ADGRA3: variants seen among roughly 807,000 people sequenced by gnomAD.
ADGRA3 encodes G-protein coupled receptor 125.
In ADGRA3, 56 loss-of-function variants were observed where a neutral mutation model predicts 119.8. The observed-to-expected ratio is 0.47, with a 90% confidence interval of 0.38 to 0.58. The LOEUF (loss-of-function observed/expected upper bound fraction) is 0.58, where lower values mean the gene tolerates loss of function less well. ADGRA3 is among the 20% of genes least tolerant of loss of function. ADGRA3 has a pLI of 0.00. For missense variants in ADGRA3, 1,516 were observed against 1,649.0 expected, an observed-to-expected ratio of 0.92 and a Z score of 1.40; for synonymous variants, 607 against 623.8, an observed-to-expected ratio of 0.97 and a Z score of 0.40.
At chr4:22,511,926 T>C (rs1438517050) in intron 1 of ADGRA3, among the ~76,000 whole-genome samples, 3 of 118,094 alleles carry the variant, frequency 2.5e-5, no homozygotes, top group Non-Finnish European at 4.9e-5. Flanking sequence ...AGACAGAGTC[T>C]CACTCTGTCA....
At chr4:22,478,263 C>CTA (rs1718124041) in intron 1 of ADGRA3, 3 of 152,038 alleles carry the variant, frequency 2.0e-5, no homozygotes, top group Non-Finnish European at 2.9e-5. Flanking sequence ...GTGAGACTTA[C>CTA]TATACATATT....
At chr4:22,461,863 G>A (rs17598797) in intron 2 of ADGRA3, 55 bp from the exon 3 acceptor site, 110,539 of 1,118,882 alleles carry the variant, frequency 0.099, 5,821 homozygotes, top group South Asian at 0.12. Flanking sequence ...CAAGTATTCA[G>A]GCACAATACA....
At chr4:22,483,462 T>G (rs374915123) in intron 1 of ADGRA3, among the ~76,000 whole-genome samples, 38 of 152,324 alleles carry the variant, frequency 2.5e-4, no homozygotes, top group African/African-American at 8.7e-4. Context: ...TATTCCTGCT[T>G]AAGTCTTATG....
At chr4:22,404,308 A>G (rs1233047901) in intron 14 of ADGRA3, among the ~76,000 whole-genome samples, 1 of 152,198 alleles carries the variant, frequency 6.6e-6, no homozygotes, top group African/African-American at 2.4e-5. Flanking sequence ...GATGACCTCA[A>G]TAGAGTAGGA....
intron 18 of ADGRA3, 65 bp downstream of exon 18, chr4:22,389,023 A>T: frequency 6.3e-7 from 1 of 1,597,116 alleles, no homozygotes; most frequent in Non-Finnish European, 8.6e-7. Flanking sequence ...ATCACCTGTA[A>T]TGCCTAGAAA....
In ADGRA3 at chr4:22,418,725, A is replaced by G. The variant is rs556481784; in HGVS notation, c.1809+2161T>C. On this transcript the variant is annotated intron_variant, in intron 12 of 18. Coordinates refer to ENST00000334304, the MANE Select transcript of ADGRA3 (RefSeq NM_145290.4). ...TCCAGGTAGAATGCCCACAACATTA[A>G]CAACCTGAAATGGCACAGGCATTGA... is the stretch of plus-strand genomic sequence containing the variant. Among the ~76,000 whole-genome samples the G allele has an allele frequency of 2.0e-5, 3 of 152,246 alleles. No homozygotes were observed. The South Asian group carries it at 6.2e-4, about 32-fold the overall frequency.
intron 1 of ADGRA3, among the ~76,000 whole-genome samples, chr4:22,512,348 A>G (rs1719478696): frequency 6.6e-6 from 1 of 152,074 alleles, no homozygotes. Flanking sequence ...TACTGTTCTG[A>G]GACTTAGTCA....
chr4:22,413,448 T>C, intron 13 of ADGRA3, 58 bp from the exon 14 acceptor site: 1 of 1,486,916 alleles, frequency 6.7e-7, no homozygotes, highest in South Asian at 1.1e-5. Context: ...CAATTATAAA[T>C]GTCAACTTCT....
chr4:22,436,372 CTT>C (rs1272058424), intron 9 of ADGRA3, 66 bp downstream of exon 9: 38 of 930,170 alleles, frequency 4.1e-5, no homozygotes, highest in Non-Finnish European at 2.1e-5. Flanking sequence ...AAAAAAAAAA[CTT>C]ATGTATTTGG....
chr4:22,428,106 CATATTA>C (rs1716015193), intron 10 of ADGRA3, among the ~76,000 whole-genome samples: 1 of 152,044 alleles, frequency 6.6e-6, no homozygotes, highest in South Asian at 2.1e-4. Context: ...CTGATGTTAT[CATATTA>C]ATATACAAGA....
chr4:22,508,219 T>C (rs957286734), intron 1 of ADGRA3, among the ~76,000 whole-genome samples: 1 of 152,102 alleles, frequency 6.6e-6, no homozygotes, highest in African/African-American at 2.4e-5. Flanking sequence ...GATGGAAGGA[T>C]CAAAATGCCA....
At chr4:22,405,731 T>C (rs999179428) in intron 14 of ADGRA3, among the ~76,000 whole-genome samples, 2 of 152,128 alleles carry the variant, frequency 1.3e-5, no homozygotes, top group African/African-American at 4.8e-5. Flanking sequence ...GGCATTTTGT[T>C]CTCAACATGT....
intron 1 of ADGRA3, among the ~76,000 whole-genome samples, chr4:22,488,551 C>T (rs1005831729): frequency 2.6e-5 from 4 of 152,066 alleles, no homozygotes; most frequent in Non-Finnish European, 4.4e-5. Flanking sequence ...GTTAACCCAA[C>T]GCAAGCGTGA....
chr4:22,431,735 T>C (rs1001002106), intron 10 of ADGRA3, among the ~76,000 whole-genome samples: 7 of 152,180 alleles, frequency 4.6e-5, no homozygotes, highest in Admixed American at 2.6e-4. Context: ...GGGTATGTCA[T>C]TTTTAGCAGA....
chr4:22,492,632 C>T (rs2109151515), intron 1 of ADGRA3, among the ~76,000 whole-genome samples: 1 of 152,230 alleles, frequency 6.6e-6, no homozygotes, highest in South Asian at 2.1e-4. Context: ...GAAACAGAGA[C>T]ATAACATAAG....
intron 4 of ADGRA3, among the ~76,000 whole-genome samples, chr4:22,453,206 AAAAAAAAAAAAG>A (rs947520287): frequency 9.8e-5 from 6 of 61,398 alleles, no homozygotes; most frequent in South Asian, 6.7e-4. Flanking sequence ...ATCTCAAAAA[AAAAAAAAAAAAG>A]AAAGAAAAAG....
intron 3 of ADGRA3, among the ~76,000 whole-genome samples, chr4:22,457,684 A>C (rs1213210304): frequency 1.3e-5 from 2 of 152,224 alleles, no homozygotes; most frequent in Non-Finnish European, 2.9e-5. Context: ...TTTAAAATTC[A>C]TTTTGGATGG....
chr4:22,470,732 C>A (rs919518755), intron 2 of ADGRA3, among the ~76,000 whole-genome samples: 14 of 152,172 alleles, frequency 9.2e-5, no homozygotes, highest in Admixed American at 5.2e-4. Flanking sequence ...TTCTCCCAGA[C>A]AAGGGTGAAA....
At chr4:22,408,968 T>C (rs952127273) in intron 14 of ADGRA3, among the ~76,000 whole-genome samples, 2 of 152,062 alleles carry the variant, frequency 1.3e-5, no homozygotes, top group Non-Finnish European at 2.9e-5. Flanking sequence ...AAAATGAAGA[T>C]AAATTCCAAC....
Sources: allele counts gnomAD v4.1 joint callset (sites outside exome capture counted in the v4.1 genomes callset), GRCh38; gene constraint gnomAD v4.1.1; transcripts MANE v1.5; gene names NCBI Gene and HGNC (gene_info 2026-07-23, HGNC 2026-07-21).